The following FMO1 variants were observed in gnomAD, a reference collection of about 807,000 sequenced individuals.
FMO1 encodes flavin containing dimethylaniline monoxygenase 1, also known as flavin-containing monooxygenase 1.
Under a neutral mutation model 45.4 loss-of-function variants are expected in FMO1, and 36 were observed. The observed-to-expected ratio is 0.79, with a 90% CI of 0.61 to 1.05. The LOEUF (loss-of-function observed/expected upper bound fraction) is 1.05, where lower values mean the gene tolerates loss of function less well. Ranked by LOEUF, FMO1 falls within the 50% of genes least tolerant of loss-of-function variation. The pLI, the probability that FMO1 is intolerant of heterozygous loss-of-function variation, is 0.00. For synonymous variants in FMO1, 228 were observed against 227.2 expected (o/e 1.00, Z -0.03); for missense variants, 615 against 640.3 (o/e 0.96, Z 0.43).
chr1:171,250,800 T>C (rs1288360177), intron 1 of FMO1, among the ~76,000 whole-genome samples: 2 of 152,190 alleles, frequency 1.3e-5, no homozygotes, highest in Non-Finnish European at 2.9e-5. Context: ...TTATTTATTT[T>C]ATATTTAGTC....
intron 3 of FMO1, among the ~76,000 whole-genome samples, chr1:171,269,360 G>A (rs1660754364): frequency 6.6e-6 from 1 of 152,128 alleles, no homozygotes. Flanking sequence ...ATAGTGATAT[G>A]AACAATAAAG....
At chr1:171,279,532 CA>C (rs1661267794) in intron 5 of FMO1, among the ~76,000 whole-genome samples, 1 of 152,134 alleles carries the variant, frequency 6.6e-6, no homozygotes, top group South Asian at 2.1e-4. Context: ...CTCTTTGACT[CA>C]AAGCCTACGT....
chr1:171,278,909 T>C, intron 5 of FMO1, 38 bp downstream of exon 5: 2 of 1,527,578 alleles, frequency 1.3e-6, no homozygotes, highest in Non-Finnish European at 8.9e-7. Flanking sequence ...AGCTTTATCT[T>C]AAGATGCATG....
At chr1:171,266,058 T>C (rs914939965) in intron 2 of FMO1, among the ~76,000 whole-genome samples, 2 of 152,138 alleles carry the variant, frequency 1.3e-5, no homozygotes, top group South Asian at 4.1e-4. Context: ...AGATTAAATA[T>C]AAATAATCTT....
At chr1:171,274,194 G>GTGATCTGTA (rs1406312785) in intron 3 of FMO1, among the ~76,000 whole-genome samples, 1 of 149,808 alleles carries the variant, frequency 6.7e-6, no homozygotes, top group Non-Finnish European at 1.5e-5. Context: ...TTACTCAGCT[G>GTGATCTGTA]TGATCTGTAG....
intron 4 of FMO1, 112 bp downstream of exon 4, chr1:171,275,620 A>T (rs2076320): frequency 1.4e-6 from 1 of 714,590 alleles, no homozygotes; most frequent in Non-Finnish European, 2.2e-6. Context: ...TAAAGTTGGG[A>T]GGTAGGAGGA....
chr1:171,252,217 T>A lies in FMO1; in HGVS notation c.-7+3594T>A, dbSNP rs187500764. 2.6e-3 allele frequency among the ~76,000 whole-genome samples: 402 copies of A among 152,262 alleles called. 1 individual carries two copies. The highest frequency in any genetic ancestry group is 4.9e-3 in the Non-Finnish European group (332 of 68,012). On this transcript the variant is annotated intron_variant, in intron 1 of 8. Coordinates refer to ENST00000617670, the MANE Select transcript of FMO1 (RefSeq NM_001282693.2). ...AGGCATGACCAGCTACAGGATGCGA[T>A]GCCAGATCCTCCGATCCCACCCCAG...
Position 171,285,251 on chromosome 1 carries a change from A to G in FMO1, c.1306A>G (p.Ile436Val), listed in dbSNP as rs922398515. 1 of 1,613,742 alleles carries G rather than the reference A, an allele frequency of 6.2e-7. No homozygotes were observed. The highest frequency in any genetic ancestry group is 8.5e-7 in the Non-Finnish European group (1 of 1,179,810). The change falls in exon 9 of 9, where the codon ATA (isoleucine) becomes GTA (valine). Residue 436 changes from isoleucine to valine, a missense_variant. Transcript: ENST00000617670. ...TTTACAATCAGATTATATCACATAC[A>G]TAGATGAACTCCTGACCTATATCAA... ...KALQSDYITY[I>V]DELLTYINAK... is the part of the protein sequence containing the mutation.
At chr1:171,255,462 T>C (rs144523984) in intron 1 of FMO1, among the ~76,000 whole-genome samples, 3,908 of 152,300 alleles carry the variant, frequency 0.026, 67 homozygotes, top group Middle Eastern at 0.048. Flanking sequence ...CAGCTGTACT[T>C]CCCTCTGCTC....
At chr1:171,281,400 C>T (rs934762407) in intron 6 of FMO1, among the ~76,000 whole-genome samples, 4 of 152,142 alleles carry the variant, frequency 2.6e-5, no homozygotes, top group Admixed American at 2.0e-4. Flanking sequence ...AACTGAATCC[C>T]ATAGTTGCCC....
intron 3 of FMO1, among the ~76,000 whole-genome samples, 189 bp from the exon 4 acceptor site, chr1:171,275,157 C>T (rs1444069551): frequency 1.3e-5 from 2 of 152,208 alleles, no homozygotes; most frequent in Non-Finnish European, 2.9e-5. Flanking sequence ...AGATATCTCT[C>T]CAAGCTTAGA....
intron 1 of FMO1, among the ~76,000 whole-genome samples, chr1:171,251,151 C>T (rs1659870850): frequency 6.6e-6 from 1 of 152,118 alleles, no homozygotes; most frequent in Non-Finnish European, 1.5e-5. Flanking sequence ...TGCTTAAGTG[C>T]TTTTTACTTG....
intron 3 of FMO1, among the ~76,000 whole-genome samples, 170 bp from the exon 4 acceptor site, chr1:171,275,176 A>C (rs982221855): frequency 6.6e-6 from 1 of 152,208 alleles, no homozygotes; most frequent in Non-Finnish European, 1.5e-5. Context: ...GACTACCTCC[A>C]TCTAGGGAAT....
intron 2 of FMO1, among the ~76,000 whole-genome samples, chr1:171,265,108 C>A (rs191409277): frequency 3.2e-4 from 49 of 152,098 alleles, no homozygotes; most frequent in African/African-American, 1.2e-3. Flanking sequence ...AAAAAGAATC[C>A]GGCCGGGCGA....
At chr1:171,267,973 T>C (rs1165669411) in intron 3 of FMO1, among the ~76,000 whole-genome samples, 1 of 152,226 alleles carries the variant, frequency 6.6e-6, no homozygotes, top group Non-Finnish European at 1.5e-5. Context: ...TATATCCAAG[T>C]ATCTTAGGGA....
chr1:171,255,900 T>C (rs1333624096), intron 1 of FMO1, among the ~76,000 whole-genome samples: 3 of 152,214 alleles, frequency 2.0e-5, no homozygotes, highest in Non-Finnish European at 4.4e-5. Context: ...ATATATGCAA[T>C]ACTCTTTCCT....
At position 171,267,665 on chromosome 1, in the gene FMO1, T is replaced by C; in HGVS notation, c.255T>C (p.Ser85=). 1 of 1,614,102 alleles carries C rather than the reference T, an allele frequency of 6.2e-7. No homozygotes were observed. ...PEDYPNYVPN[S]QFLEYLKMYA... ...ATTATCCAAACTATGTGCCAAATTCTCAATTCCTGGAATATCTCAAAATGT... is the reference window on the plus strand; with the variant it reads ...ATTATCCAAACTATGTGCCAAATTCCCAATTCCTGGAATATCTCAAAATGT... The change falls in exon 3 of 9, where the codon TCT becomes TCC. Residue 85 remains serine, a synonymous_variant. Coordinates refer to ENST00000617670, the MANE Select transcript of FMO1 (RefSeq NM_001282693.2).
intron 1 of FMO1, among the ~76,000 whole-genome samples, chr1:171,249,200 A>G (rs1286321870): frequency 6.6e-6 from 1 of 152,018 alleles, no homozygotes; most frequent in Non-Finnish European, 1.5e-5. Context: ...TGTGATTGGC[A>G]CATCTTTTTT....
rs1661381605 is a variant in FMO1, at chr1:171,282,089, TA to T, written c.941del (p.Asn314ThrfsTer29). The T allele has an allele frequency of 1.9e-6, 3 of 1,613,860 alleles. No individual in the cohort carries two copies. The African/African-American group carries it at 4.0e-5, about 22-fold the overall frequency. On this transcript the variant is annotated frameshift_variant, in exon 7 of 9. Transcript: ENST00000617670. LOFTEE classifies it high-confidence loss of function. ...KEVKENSVIF[N>X]NTSKEEPIDI... Reference sequence around the variant, plus strand: ...AGGTAAAGGAAAACTCTGTCATATTTAACAATACTTCAAAGGAAGAGCCTAT... The same window carrying T: ...AGGTAAAGGAAAACTCTGTCATATTTACAATACTTCAAAGGAAGAGCCTAT...
Sources: allele counts gnomAD v4.1 joint callset (sites outside exome capture counted in the v4.1 genomes callset), GRCh38; gene constraint gnomAD v4.1.1; transcripts MANE v1.5; gene names NCBI Gene and HGNC (gene_info 2026-07-23, HGNC 2026-07-21).